The following METTL8 variants were observed in gnomAD, a reference collection of about 807,000 sequenced individuals.
METTL8 encodes the protein methyltransferase 8, tRNA N3-cytidine, also known as tRNA N(3)-cytidine methyltransferase METTL8, mitochondrial.
Under a neutral mutation model 48.7 loss-of-function variants are expected in METTL8, and 32 were observed. That is an observed-to-expected ratio of 0.66 (90% CI 0.50 to 0.88). The LOEUF (loss-of-function observed/expected upper bound fraction) is 0.88. METTL8 is among the 40% of genes least tolerant of loss of function. The probability of loss-of-function intolerance (pLI) is 0.00; values close to 1 mark genes in which losing one functional copy is unlikely to be tolerated. For missense variants in METTL8, 464 were observed against 474.4 expected (o/e 0.98, Z 0.20); for synonymous variants, 136 against 157.1 (o/e 0.87, Z 1.01).
In METTL8 at chr2:171,330,598, A is replaced by G; in HGVS notation, c.821T>C (p.Ile274Thr). The G allele has an allele frequency of 6.2e-7, 1 of 1,614,040 alleles. No homozygotes were observed. Among genetic ancestry groups the G allele is most frequent in the Non-Finnish European group, 8.5e-7 (1 of 1,179,946 alleles). Residue 274 changes from isoleucine to threonine, a missense_variant, in exon 7 of 10, where the codon ATT becomes ACT. Ile to Thr is a moderately conservative substitution (Grantham distance 89). Transcript: ENST00000375258. Reference protein sequence around the residue: ...YPFPDGILDVILLVFVLSSIH... With the variant: ...YPFPDGILDVTLLVFVLSSIH... ...AGAAGAGAGCACAAAGACAAGGAGA[A>G]TGACATCCAGGATCCCATCTGGAAA...
rs772107544 is a variant in METTL8, at chr2:171,330,588, G to C, written c.831C>G (p.Val277=). 2 of 1,613,790 alleles carry C rather than the reference G, an allele frequency of 1.2e-6. No homozygotes were observed. Among genetic ancestry groups the C allele is most frequent in the African/African-American group, 2.7e-5 (2 of 74,896 alleles). ...CAGGATGAATAGAAGAGAGCACAAA[G>C]ACAAGGAGAATGACATCCAGGATCC... The part of the protein sequence containing the change: ...PDGILDVILL[V]FVLSSIHPDR... The change falls in exon 7 of 10, where the codon GTC becomes GTG. Residue 277 remains valine (V), a synonymous_variant. Transcript: ENST00000375258.
intron 1 of METTL8, among the ~76,000 whole-genome samples, chr2:171,427,861 C>G (rs897295520): frequency 2.0e-5 from 3 of 152,176 alleles, no homozygotes; most frequent in Admixed American, 1.3e-4. Context: ...CCAAAACTTT[C>G]CCCTGCACAT....
At chr2:171,357,016 A>AAAG (rs1684655625) in intron 3 of METTL8, among the ~76,000 whole-genome samples, 1 of 133,426 alleles carries the variant, frequency 7.5e-6, no homozygotes, top group South Asian at 2.5e-4. Flanking sequence ...CAGTGGTGCA[A>AAAG]AAGTGATCTT....
At chr2:171,434,415 C>T (rs1004722244), upstream of METTL8, 4 of 1,252,730 alleles carry the variant, frequency 3.2e-6, no homozygotes, top group African/African-American at 5.9e-5. Context: ...TCCCTCGCCC[C>T]GCCGTCGGGT....
At chr2:171,363,411 C>A (rs990259454) in intron 2 of METTL8, among the ~76,000 whole-genome samples, 1 of 151,872 alleles carries the variant, frequency 6.6e-6, no homozygotes, top group African/African-American at 2.4e-5. Flanking sequence ...GTAATAAATA[C>A]AACTATAGAA....
At chr2:171,399,249 G>C (rs2105587403) in intron 1 of METTL8, among the ~76,000 whole-genome samples, 1 of 152,246 alleles carries the variant, frequency 6.6e-6, no homozygotes, top group Non-Finnish European at 1.5e-5. Context: ...AGACGAGAAA[G>C]GAAATGAAGC....
intron 1 of METTL8, among the ~76,000 whole-genome samples, chr2:171,396,570 T>A (rs1689085503): frequency 6.6e-6 from 1 of 152,184 alleles, no homozygotes; most frequent in Non-Finnish European, 1.5e-5. Context: ...AGGCAGCATA[T>A]TGTCAATCCT....
intron 3 of METTL8, among the ~76,000 whole-genome samples, chr2:171,352,161 T>G (rs542635099): frequency 3.2e-4 from 49 of 152,364 alleles, no homozygotes; most frequent in African/African-American, 1.2e-3. Context: ...GAGAGTTGTT[T>G]TAGCAAGAAG....
At chr2:171,377,792 A>C (rs1285845873) in intron 2 of METTL8, among the ~76,000 whole-genome samples, 1 of 152,220 alleles carries the variant, frequency 6.6e-6, no homozygotes, top group Non-Finnish European at 1.5e-5. Context: ...AATGTAAACT[A>C]GTACAATCAC....
chr2:171,325,408 C>T (rs570534120), intron 9 of METTL8, among the ~76,000 whole-genome samples: 1 of 152,150 alleles, frequency 6.6e-6, no homozygotes, highest in Non-Finnish European at 1.5e-5. Context: ...AGGCTGGTCT[C>T]AAATTCCTGG....
At chr2:171,382,825 C>A (rs996799095) in intron 2 of METTL8, among the ~76,000 whole-genome samples, 6 of 152,182 alleles carry the variant, frequency 3.9e-5, no homozygotes, top group Non-Finnish European at 7.4e-5. Flanking sequence ...GTAATCCCAG[C>A]ACCTTGGGAG....
chr2:171,418,368 G>C (rs943313575), intron 1 of METTL8, among the ~76,000 whole-genome samples: 41 of 152,086 alleles, frequency 2.7e-4, no homozygotes, highest in African/African-American at 9.7e-4. Context: ...CCACTGTTAA[G>C]GTATATGCCC....
intron 2 of METTL8, among the ~76,000 whole-genome samples, chr2:171,370,280 T>C (rs886430854): frequency 1.3e-5 from 2 of 152,156 alleles, no homozygotes; most frequent in East Asian, 3.8e-4. Context: ...ATTGTTTGCA[T>C]TTGTATTTTT....
chr2:171,396,528 TGTGCTTTTCTAATAGGCA>T (rs900838322), intron 1 of METTL8, among the ~76,000 whole-genome samples: 5 of 152,168 alleles, frequency 3.3e-5, no homozygotes, highest in South Asian at 2.1e-4. Flanking sequence ...AGTCTATTTG[TGTGCTTTTCTAATAGGCA>T]GTGCTTTTCT....
At chr2:171,368,483 A>G (rs1685945996) in intron 2 of METTL8, among the ~76,000 whole-genome samples, 1 of 152,102 alleles carries the variant, frequency 6.6e-6, no homozygotes, top group Admixed American at 6.6e-5. Context: ...TGTGCTTCCA[A>G]GCAAAAATTA....
At chr2:171,338,269 G>C (rs959126824) in intron 4 of METTL8, among the ~76,000 whole-genome samples, 1 of 152,106 alleles carries the variant, frequency 6.6e-6, no homozygotes, top group Non-Finnish European at 1.5e-5. Flanking sequence ...AATTTTTAAA[G>C]ATAGTGAAAA....
intron 1 of METTL8, among the ~76,000 whole-genome samples, chr2:171,407,791 T>A (rs1356383705): frequency 6.6e-6 from 1 of 152,236 alleles, no homozygotes; most frequent in East Asian, 1.9e-4. Context: ...GATTTCAGTG[T>A]CTGTGTTTGC....
chr2:171,334,071 T>TAAAAC (rs148818231), intron 5 of METTL8, among the ~76,000 whole-genome samples: 4,358 of 150,804 alleles, frequency 0.029, 158 homozygotes, highest in African/African-American at 0.075. Flanking sequence ...CATAGTCCTC[T>TAAAAC]AAAACAAAAC....
In METTL8 at chr2:171,387,481, G is replaced by A. The variant is rs758276679; in HGVS notation, c.143+4562C>T. Among the ~76,000 whole-genome samples, 4 of 151,768 alleles carry A rather than the reference G, an allele frequency of 2.6e-5. No homozygotes were observed. The East Asian group carries it at 5.8e-4, about 22-fold the overall frequency. On this transcript the variant is annotated intron_variant, in intron 2 of 9. Transcript: ENST00000375258. ...GGAGGCAGAGGTTGCAGTGAGCTGA[G>A]ATTGAATCACTGCACTCCAGCCAGG...
Sources: allele counts gnomAD v4.1 joint callset (sites outside exome capture counted in the v4.1 genomes callset), GRCh38; gene constraint gnomAD v4.1.1; transcripts MANE v1.5; gene names NCBI Gene and HGNC (gene_info 2026-07-23, HGNC 2026-07-21).